Variants in DPYD observed in about 807,000 individuals in gnomAD.
DPYD encodes dihydropyrimidine dehydrogenase [NADP(+)].
Under a neutral mutation model 116.2 loss-of-function variants are expected in DPYD, and 109 were observed. That is an observed-to-expected ratio of 0.94 (90% CI 0.80 to 1.10). The LOEUF (loss-of-function observed/expected upper bound fraction) is 1.10, where lower values mean the gene tolerates loss of function less well. Ranked by LOEUF, DPYD falls within the 50% of genes least tolerant of loss-of-function variation. The probability of loss-of-function intolerance (pLI) is 0.00; values close to 1 mark genes in which losing one functional copy is unlikely to be tolerated. For synonymous variants in DPYD, 440 were observed against 432.0 expected (o/e 1.02, Z -0.23); for missense variants, 1,302 against 1,254.5 (o/e 1.04, Z -0.57).
At chr1:97,488,148 A>G (rs1170056742) in intron 13 of DPYD, among the ~76,000 whole-genome samples, 1 of 152,144 alleles carries the variant, frequency 6.6e-6, no homozygotes, top group Non-Finnish European at 1.5e-5. Flanking sequence ...TCTCAAGGGT[A>G]TGATGCTTAT....
At chr1:97,643,784 G>C (rs1167050938) in intron 8 of DPYD, among the ~76,000 whole-genome samples, 1 of 152,068 alleles carries the variant, frequency 6.6e-6, no homozygotes, top group Non-Finnish European at 1.5e-5. Flanking sequence ...TCCTTTGCAG[G>C]GACATGGATG....
chr1:97,290,903 T>C (rs1352549752), intron 18 of DPYD, among the ~76,000 whole-genome samples: 10 of 151,880 alleles, frequency 6.6e-5, no homozygotes, highest in East Asian at 5.8e-4. Context: ...ACAGGCAACC[T>C]ACAAAATGGG....
At chr1:97,468,444 T>A (rs1677451119) in intron 13 of DPYD, among the ~76,000 whole-genome samples, 1 of 152,156 alleles carries the variant, frequency 6.6e-6, no homozygotes, top group Admixed American at 6.5e-5. Flanking sequence ...AGACCCCTTG[T>A]CCTTTCCATC....
intron 18 of DPYD, among the ~76,000 whole-genome samples, chr1:97,243,699 A>T (rs955328049): frequency 6.6e-6 from 1 of 152,002 alleles, no homozygotes; most frequent in African/African-American, 2.4e-5. Flanking sequence ...TAGACATTAT[A>T]TTAATTGTTG....
chr1:97,502,731 A>G (rs2101935449), intron 13 of DPYD, among the ~76,000 whole-genome samples: 1 of 152,114 alleles, frequency 6.6e-6, no homozygotes, highest in Non-Finnish European at 1.5e-5. Context: ...TCTACCCTTT[A>G]ATAACTGATC....
intron 8 of DPYD, among the ~76,000 whole-genome samples, chr1:97,637,103 A>G (rs973507546): frequency 2.0e-5 from 3 of 152,132 alleles, no homozygotes; most frequent in African/African-American, 7.2e-5. Context: ...CATAAATTCC[A>G]TCTTCTGGGT....
intron 8 of DPYD, among the ~76,000 whole-genome samples, chr1:97,645,910 T>C (rs1658232526): frequency 6.6e-6 from 1 of 152,092 alleles, no homozygotes; most frequent in African/African-American, 2.4e-5. Context: ...ATCAAATACT[T>C]GGCTCACACT....
At chr1:97,546,742 A>T in intron 12 of DPYD, 1 of 1,613,076 alleles carries the variant, frequency 6.2e-7, no homozygotes, top group Middle Eastern at 1.8e-4. Context: ...TGCACCAGGC[A>T]AGCCTGGAAA....
chr1:97,764,706 T>C (rs1319883906), intron 3 of DPYD, among the ~76,000 whole-genome samples: 2 of 152,124 alleles, frequency 1.3e-5, no homozygotes, highest in Non-Finnish European at 2.9e-5. Flanking sequence ...AATACTTTAT[T>C]ATGATCTGAA....
chr1:97,173,634 G>A (rs1011117644), intron 20 of DPYD, among the ~76,000 whole-genome samples: 3 of 150,244 alleles, frequency 2.0e-5, no homozygotes, highest in Admixed American at 2.0e-4. Flanking sequence ...CTACTGCAGT[G>A]CCTGGCATGG....
At chr1:97,460,191 A>T (rs1231586989) in intron 13 of DPYD, among the ~76,000 whole-genome samples, 1 of 152,226 alleles carries the variant, frequency 6.6e-6, no homozygotes, top group Non-Finnish European at 1.5e-5. Context: ...AGTGTTTGAT[A>T]ACTCTAAGAT....
intron 18 of DPYD, among the ~76,000 whole-genome samples, chr1:97,237,571 A>T (rs1248589506): frequency 6.6e-6 from 1 of 152,164 alleles, no homozygotes; most frequent in Admixed American, 6.5e-5. Context: ...CACAGTTTTT[A>T]TGTTTTAACC....
chr1:97,078,680 C>A lies in DPYD; in HGVS notation c.*296G>T. On this transcript the variant is annotated 3_prime_UTR_variant, in exon 23 of 23. Coordinates refer to ENST00000370192, the MANE Select transcript of DPYD (RefSeq NM_000110.4). Reference sequence around the variant, plus strand: ...TTGGAAACTGTCACACTAATTGCCACAAAAAAGTTAATTTTTCACATAAGA... The same window carrying A: ...TTGGAAACTGTCACACTAATTGCCAAAAAAAAGTTAATTTTTCACATAAGA... 1 of 391,818 alleles carries A rather than the reference C, an allele frequency of 2.6e-6. No individual in the cohort carries two copies. The highest frequency in any genetic ancestry group is 4.8e-6 in the Non-Finnish European group (1 of 208,150). 24.3% of individuals were successfully genotyped at this position (391,818 alleles called of 1,614,324 possible). A position where few individuals can be genotyped will look rare whatever the true frequency, so the allele number is the denominator to read the frequency against.
At chr1:97,585,584 A>G (rs919081782) in intron 10 of DPYD, among the ~76,000 whole-genome samples, 1 of 152,216 alleles carries the variant, frequency 6.6e-6, no homozygotes, top group Non-Finnish European at 1.5e-5. Context: ...ATTTTTTAAA[A>G]AATCACTTTT....
At chr1:97,585,140 C>T (rs1654007751) in intron 10 of DPYD, among the ~76,000 whole-genome samples, 1 of 152,020 alleles carries the variant, frequency 6.6e-6, no homozygotes, top group Non-Finnish European at 1.5e-5. Flanking sequence ...CACTGGTCTG[C>T]CACCTTGAAT....
chr1:97,913,142 G>A (rs767981325), intron 1 of DPYD, among the ~76,000 whole-genome samples: 2 of 152,012 alleles, frequency 1.3e-5, no homozygotes, highest in East Asian at 1.9e-4. Context: ...TATATAGTAC[G>A]ATTGAACTTT....
intron 16 of DPYD, among the ~76,000 whole-genome samples, chr1:97,333,209 C>T (rs1381436414): frequency 6.6e-6 from 1 of 151,972 alleles, no homozygotes; most frequent in Admixed American, 6.6e-5. Context: ...AGGCATGCAC[C>T]ACCATGCCTG....
chr1:97,129,437 T>C (rs191790986), intron 20 of DPYD, among the ~76,000 whole-genome samples: 1 of 152,284 alleles, frequency 6.6e-6, no homozygotes, highest in Non-Finnish European at 1.5e-5. Flanking sequence ...ATATTCCATC[T>C]TGGTCTTCCT....
chr1:97,791,502 A>G (rs1392588031), intron 3 of DPYD, among the ~76,000 whole-genome samples: 1 of 152,212 alleles, frequency 6.6e-6, no homozygotes, highest in African/African-American at 2.4e-5. Context: ...CTAAATTTGT[A>G]CCATGTGTAA....
Sources: gnomAD v4.1 joint callset for allele counts (sites outside exome capture counted in the v4.1 genomes callset) on GRCh38, gnomAD v4.1.1 for gene constraint, MANE v1.5 for transcripts, NCBI Gene and HGNC (gene_info 2026-07-23, HGNC 2026-07-21) for gene names.